PDE4D: variants seen among roughly 807,000 people sequenced by gnomAD.
PDE4D encodes the protein 3',5'-cyclic-AMP phosphodiesterase 4D.
In PDE4D, 24 loss-of-function variants were observed where a neutral mutation model predicts 87.4. The ratio of observed to expected loss-of-function variants is 0.27; its 90% CI spans 0.20 to 0.39. The LOEUF is 0.39. Ranked by LOEUF, PDE4D falls within the 10% of genes least tolerant of loss-of-function variation. The probability of loss-of-function intolerance (pLI) is 1.00; values close to 1 mark genes in which losing one functional copy is unlikely to be tolerated. For missense variants in PDE4D, 714 were observed against 1,041.0 expected (o/e 0.69, Z 4.32); for synonymous variants, 384 against 383.2 (o/e 1.00, Z -0.02).
chr5:59,121,963 GA>G (rs1425164045), intron 5 of PDE4D, among the ~76,000 whole-genome samples: 2 of 152,072 alleles, frequency 1.3e-5, no homozygotes, highest in South Asian at 4.2e-4. Flanking sequence ...CCAATATGGT[GA>G]AACCCCATCT....
At chr5:60,113,272 G>A (rs991316212) in intron 2 of PDE4D, among the ~76,000 whole-genome samples, 17 of 151,988 alleles carry the variant, frequency 1.1e-4, no homozygotes, top group African/African-American at 4.1e-4. Context: ...AGAAACTTAA[G>A]AAACTGTAAC....
At chr5:59,996,552 A>G (rs1402351030) in intron 2 of PDE4D, among the ~76,000 whole-genome samples, 3 of 152,198 alleles carry the variant, frequency 2.0e-5, no homozygotes, top group East Asian at 3.8e-4. Flanking sequence ...GAAATTGTTA[A>G]TAATGCACTA....
At chr5:59,395,229 A>G (rs548184755) in intron 1 of PDE4D, among the ~76,000 whole-genome samples, 288 of 152,226 alleles carry the variant, frequency 1.9e-3, no homozygotes, top group African/African-American at 6.7e-3. Flanking sequence ...GGAGCCCACC[A>G]CAGCTCAAGG....
intron 1 of PDE4D, among the ~76,000 whole-genome samples, chr5:60,418,238 A>G (rs1165317291): frequency 6.6e-6 from 1 of 152,234 alleles, no homozygotes; most frequent in African/African-American, 2.4e-5. Context: ...TACAGAATTA[A>G]TAAAGTTAGA....
chr5:60,472,663 C>G (rs1490041349), intron 1 of PDE4D, among the ~76,000 whole-genome samples: 1 of 152,142 alleles, frequency 6.6e-6, no homozygotes, highest in African/African-American at 2.4e-5. Context: ...TGCTTCCACT[C>G]AAGCCTATTT....
chr5:59,041,715 C>G (rs1335507353), intron 5 of PDE4D, among the ~76,000 whole-genome samples: 1 of 152,204 alleles, frequency 6.6e-6, no homozygotes, highest in African/African-American at 2.4e-5. Context: ...AAGTGATTTC[C>G]CAGTAGCTAA....
chr5:59,212,245 G>A (rs1344922916), intron 2 of PDE4D, among the ~76,000 whole-genome samples: 2 of 152,092 alleles, frequency 1.3e-5, no homozygotes, highest in African/African-American at 2.4e-5. Context: ...CCTTTATGGT[G>A]GAAGATATGT....
At chr5:59,275,381 T>G in intron 1 of PDE4D, 1 of 1,597,258 alleles carries the variant, frequency 6.3e-7, no homozygotes. Flanking sequence ...GATCGGGATC[T>G]TGGCTTCATA....
At chr5:59,181,950 G>A (rs1021789801) in intron 4 of PDE4D, among the ~76,000 whole-genome samples, 3 of 152,090 alleles carry the variant, frequency 2.0e-5, no homozygotes, top group South Asian at 2.1e-4. Flanking sequence ...TCTTAGCAGG[G>A]TGGGGGAAAG....
chr5:60,395,443 A>C (rs536262952), intron 1 of PDE4D, among the ~76,000 whole-genome samples: 1 of 152,128 alleles, frequency 6.6e-6, no homozygotes, highest in East Asian at 1.9e-4. Flanking sequence ...CAAATTAAGG[A>C]TTTTTTCCTA....
chr5:59,293,973 C>T (rs1376129214), intron 1 of PDE4D, among the ~76,000 whole-genome samples: 1 of 152,164 alleles, frequency 6.6e-6, no homozygotes, highest in African/African-American at 2.4e-5. Context: ...GTATAAGCAG[C>T]CTGCTCCCAA....
chr5:59,625,643 A>T (rs1242360752), intron 1 of PDE4D, among the ~76,000 whole-genome samples: 1 of 152,370 alleles, frequency 6.6e-6, no homozygotes, highest in East Asian at 1.9e-4. Context: ...ACGGTGTCTC[A>T]TAACTCTGAA....
intron 1 of PDE4D, among the ~76,000 whole-genome samples, chr5:59,496,266 C>T (rs1807170600): frequency 6.6e-6 from 1 of 152,100 alleles, no homozygotes; most frequent in South Asian, 2.1e-4. Context: ...CCCTCGATGT[C>T]CTCTCCACTT....
At chr5:60,080,594 A>C (rs972607277) in intron 2 of PDE4D, among the ~76,000 whole-genome samples, 2 of 152,060 alleles carry the variant, frequency 1.3e-5, no homozygotes, top group African/African-American at 4.8e-5. Flanking sequence ...ACATGAAGGG[A>C]TGTTGAATTT....
At chr5:59,368,904 G>A (rs771478625) in intron 1 of PDE4D, among the ~76,000 whole-genome samples, 37 of 152,178 alleles carry the variant, frequency 2.4e-4, no homozygotes, top group Admixed American at 7.2e-4. Flanking sequence ...GAGAATGTGT[G>A]GCTTAGCACA....
intron 1 of PDE4D, among the ~76,000 whole-genome samples, chr5:60,380,996 C>G (rs1486637190): frequency 1.3e-5 from 2 of 152,188 alleles, no homozygotes; most frequent in Non-Finnish European, 2.9e-5. Flanking sequence ...AAGCCCTGCA[C>G]ATGCCCAAGA....
intron 2 of PDE4D, among the ~76,000 whole-genome samples, chr5:60,048,285 T>A (rs1442151563): frequency 2.6e-5 from 4 of 152,142 alleles, no homozygotes; most frequent in Admixed American, 2.0e-4. Context: ...GTTTTCCTGA[T>A]TACAGCACAC....
At chr5:59,981,655 T>G (rs1761945247) in intron 3 of PDE4D, among the ~76,000 whole-genome samples, 1 of 152,214 alleles carries the variant, frequency 6.6e-6, no homozygotes, top group Non-Finnish European at 1.5e-5. Context: ...AGAACTTAGA[T>G]AAATCACTTA....
At chr5:59,477,353 TAAAAA>T (rs35047246) in intron 1 of PDE4D, among the ~76,000 whole-genome samples, 151 of 88,312 alleles carry the variant, frequency 1.7e-3, no homozygotes, top group African/African-American at 6.2e-3. Flanking sequence ...TAGAGTATAA[TAAAAA>T]AAAAAAAAAA....
Sources: gnomAD v4.1 joint callset for allele counts (sites outside exome capture counted in the v4.1 genomes callset) on GRCh38, gnomAD v4.1.1 for gene constraint, MANE v1.5 for transcripts, NCBI Gene and HGNC (gene_info 2026-07-23, HGNC 2026-07-21) for gene names.